Variants in TNIK observed in about 807,000 individuals in gnomAD.
The protein encoded by TNIK is TRAF2 and NCK interacting kinase.
A neutral mutation model predicts 191.3 loss-of-function variants in TNIK; 49 were observed. The ratio of observed to expected loss-of-function variants is 0.26; its 90% CI spans 0.20 to 0.32. TNIK has a LOEUF of 0.32. Among genes scored for constraint, TNIK ranks in the 10% least tolerant of loss-of-function variants. TNIK has a pLI of 1.00. For missense variants in TNIK, 1,155 were observed against 1,702.3 expected, an observed-to-expected ratio of 0.68 and a Z score of 5.66; for synonymous variants, 594 against 600.9, an observed-to-expected ratio of 0.99 and a Z score of 0.17.
chr3:171,428,080 A>G (rs1378560177), intron 1 of TNIK, among the ~76,000 whole-genome samples: 2 of 152,162 alleles, frequency 1.3e-5, no homozygotes, highest in Non-Finnish European at 2.9e-5. Flanking sequence ...GAATAATAAA[A>G]GAGAGGGGGA....
At chr3:171,195,969 G>A (rs1577089590) in intron 4 of TNIK, among the ~76,000 whole-genome samples, 1 of 152,292 alleles carries the variant, frequency 6.6e-6, no homozygotes, top group East Asian at 1.9e-4. Context: ...GATAATCTGA[G>A]CATAGATAAG....
intron 2 of TNIK, among the ~76,000 whole-genome samples, chr3:171,282,614 G>C (rs1750595910): frequency 6.6e-6 from 1 of 152,230 alleles, no homozygotes; most frequent in African/African-American, 2.4e-5. Flanking sequence ...AAAGTGCTGG[G>C]ATTACAGGCA....
intron 2 of TNIK, among the ~76,000 whole-genome samples, chr3:171,335,905 A>C (rs1456440468): frequency 6.6e-6 from 1 of 152,204 alleles, no homozygotes; most frequent in Admixed American, 6.6e-5. Flanking sequence ...AAGGTATGAA[A>C]GTTCCGGTTG....
chr3:171,210,886 G>A (rs1236523172), intron 4 of TNIK, among the ~76,000 whole-genome samples: 1 of 150,738 alleles, frequency 6.6e-6, no homozygotes, highest in Non-Finnish European at 1.5e-5. Context: ...CTTAACAATT[G>A]GCTTTGGGGA....
In TNIK at chr3:171,139,453, C is replaced by A; in HGVS notation, c.1419+17G>T. 1 of 1,610,566 alleles carries A rather than the reference C, an allele frequency of 6.2e-7. No homozygotes were observed. Among genetic ancestry groups the A allele is most frequent in the South Asian group, 1.1e-5 (1 of 90,960 alleles). On this transcript the variant is annotated intron_variant, in intron 14 of 32. Coordinates refer to ENST00000436636, the MANE Select transcript of TNIK (RefSeq NM_015028.4). Reference sequence around the variant, plus strand: ...TGAACACAGAGCAGGTCAGCTGGTTCTTGGCTTTCTCATTACCAGAAGTAG... The same window carrying A: ...TGAACACAGAGCAGGTCAGCTGGTTATTGGCTTTCTCATTACCAGAAGTAG...
At chr3:171,176,389 G>A (rs372135515) in intron 8 of TNIK, among the ~76,000 whole-genome samples, 19 of 152,256 alleles carry the variant, frequency 1.2e-4, no homozygotes, top group African/African-American at 4.6e-4. Flanking sequence ...CAAATAAAGG[G>A]CCTATTTTTG....
At chr3:171,102,364 T>A (rs1011210717) in intron 21 of TNIK, among the ~76,000 whole-genome samples, 1 of 152,154 alleles carries the variant, frequency 6.6e-6, no homozygotes, top group Non-Finnish European at 1.5e-5. Flanking sequence ...AATGTGCAAA[T>A]ACCAAAAGGA....
At chr3:171,129,803 C>T (rs867711871) in intron 15 of TNIK, among the ~76,000 whole-genome samples, 7 of 152,240 alleles carry the variant, frequency 4.6e-5, no homozygotes, top group Non-Finnish European at 7.3e-5. Flanking sequence ...AGCAGAAAGA[C>T]TGCCTCGGAG....
chr3:171,362,600 G>C (rs1246389947), intron 2 of TNIK, among the ~76,000 whole-genome samples: 1 of 152,184 alleles, frequency 6.6e-6, no homozygotes, highest in Non-Finnish European at 1.5e-5. Context: ...ACATGTGTTT[G>C]GGAAGAGGAA....
intron 23 of TNIK, among the ~76,000 whole-genome samples, chr3:171,093,012 T>C (rs1722262289): frequency 1.3e-5 from 2 of 152,254 alleles, no homozygotes; most frequent in African/African-American, 4.8e-5. Flanking sequence ...AACCATCTTA[T>C]AAGTTGTATG....
At chr3:171,435,091 A>T (rs1351006182) in intron 1 of TNIK, among the ~76,000 whole-genome samples, 1 of 152,182 alleles carries the variant, frequency 6.6e-6, no homozygotes, top group African/African-American at 2.4e-5. Flanking sequence ...CTTTCCCCTC[A>T]TGGTTGTCAG....
Position 171,449,198 on chromosome 3 carries a change from T to G in TNIK, c.57+10809A>C, listed in dbSNP as rs1199651350. Among the ~76,000 whole-genome samples the G allele has an allele frequency of 5.9e-5, 9 of 152,038 alleles. 2 individuals are homozygous for G. The highest frequency in any genetic ancestry group is 5.9e-4 in the Admixed American group (9 of 15,266). ...TCCAAGTCTTTGCTATTGTGAACAG[T>G]GCCATAATAAACATACATGTGCATG... On this transcript the variant is annotated intron_variant, in intron 1 of 32. Transcript: ENST00000436636.
intron 30 of TNIK, among the ~76,000 whole-genome samples, chr3:171,067,221 G>A (rs1478171801): frequency 6.6e-6 from 1 of 152,054 alleles, no homozygotes; most frequent in African/African-American, 2.4e-5. Flanking sequence ...TAAGCCAGCT[G>A]AATCTAATGG....
intron 3 of TNIK, among the ~76,000 whole-genome samples, chr3:171,220,741 A>T (rs2108957415): frequency 6.6e-6 from 1 of 152,294 alleles, no homozygotes; most frequent in Admixed American, 6.5e-5. Flanking sequence ...TATAATTTTG[A>T]TCAAGTGCTT....
chr3:171,201,738 G>A lies in TNIK; in HGVS notation c.307-7103C>T, dbSNP rs112781469. On this transcript the variant is annotated intron_variant, in intron 4 of 32. Coordinates refer to ENST00000436636, the MANE Select transcript of TNIK (RefSeq NM_015028.4). The stretch of plus-strand genomic sequence containing the variant: ...TCAATCAATTGAAGTAAAGCTTGGG[G>A]ATTTCAAACCTTAAAAAGCAACTTT... Among the ~76,000 whole-genome samples, 797 of 152,278 alleles carry A rather than the reference G, an allele frequency of 5.2e-3. 6 individuals are homozygous for A. Among genetic ancestry groups the A allele is most frequent in the Admixed American group, 0.012 (190 of 15,288 alleles).
At chr3:171,244,590 A>T (rs904102522) in intron 2 of TNIK, among the ~76,000 whole-genome samples, 10 of 152,010 alleles carry the variant, frequency 6.6e-5, no homozygotes, top group African/African-American at 2.4e-4. Flanking sequence ...CATACTTTTC[A>T]TCTGGTCACA....
At chr3:171,075,565 G>A (rs1015566524) in intron 28 of TNIK, among the ~76,000 whole-genome samples, 2 of 152,154 alleles carry the variant, frequency 1.3e-5, no homozygotes, top group African/African-American at 4.8e-5. Flanking sequence ...ATGTGGTCTG[G>A]TTTATGAATA....
intron 31 of TNIK, 54 bp from the exon 32 acceptor site, chr3:171,066,380 C>T: frequency 6.2e-7 from 1 of 1,604,474 alleles, no homozygotes; most frequent in Non-Finnish European, 8.5e-7. Context: ...GGCAATAACT[C>T]ACAGCATCTG....
At chr3:171,309,466 T>C (rs896101271) in intron 2 of TNIK, among the ~76,000 whole-genome samples, 1 of 152,148 alleles carries the variant, frequency 6.6e-6, no homozygotes, top group African/African-American at 2.4e-5. Context: ...GCTTACCATC[T>C]GGGTGAACAA....
Sources: allele counts gnomAD v4.1 joint callset (sites outside exome capture counted in the v4.1 genomes callset), GRCh38; gene constraint gnomAD v4.1.1; transcripts MANE v1.5; gene names NCBI Gene and HGNC (gene_info 2026-07-23, HGNC 2026-07-21).